The following LRRTM4 variants were observed in gnomAD, a reference collection of about 807,000 sequenced individuals.
The protein encoded by LRRTM4 is leucine-rich repeat transmembrane neuronal protein 4.
LRRTM4 carries 25 observed loss-of-function variants against 47.6 expected under a neutral mutation model. The observed-to-expected ratio is 0.53, with a 90% CI of 0.38 to 0.73. The LOEUF is 0.73. Ranked by LOEUF, LRRTM4 falls within the 30% of genes least tolerant of loss-of-function variation. The pLI is 0.00. For synonymous variants in LRRTM4, 311 were observed against 269.5 expected (o/e 1.15, Z -1.51); for missense variants, 638 against 713.4 (o/e 0.89, Z 1.20).
chr2:77,021,234 A>G (rs1678258732), intron 3 of LRRTM4, among the ~76,000 whole-genome samples: 1 of 152,146 alleles, frequency 6.6e-6, no homozygotes, highest in African/African-American at 2.4e-5. Context: ...AGAACTATAC[A>G]GATAACAAGA....
intron 3 of LRRTM4, among the ~76,000 whole-genome samples, chr2:77,490,119 A>AG (rs1363315259): frequency 6.6e-6 from 1 of 152,012 alleles, no homozygotes; most frequent in East Asian, 1.9e-4. Context: ...GCACGGTGGC[A>AG]GGTGCCTGTA....
intron 3 of LRRTM4, among the ~76,000 whole-genome samples, chr2:77,429,454 G>A (rs757813712): frequency 6.6e-6 from 1 of 152,010 alleles, no homozygotes; most frequent in Non-Finnish European, 1.5e-5. Context: ...CAACCTAAGT[G>A]TCCATCAAAA....
intron 3 of LRRTM4, among the ~76,000 whole-genome samples, chr2:77,460,143 G>T (rs12613403): frequency 0.04 from 6,132 of 152,174 alleles, 241 homozygotes; most frequent in East Asian, 0.18. Context: ...CTGGATAGTT[G>T]CTGATCAACA....
chr2:77,389,208 AT>A (rs757698752), intron 3 of LRRTM4, among the ~76,000 whole-genome samples: 1 of 152,134 alleles, frequency 6.6e-6, no homozygotes, highest in African/African-American at 2.4e-5. Flanking sequence ...AATTAACTAT[AT>A]TTTTATTATA....
intron 3 of LRRTM4, among the ~76,000 whole-genome samples, chr2:76,880,553 T>C (rs1255641244): frequency 6.6e-6 from 1 of 152,188 alleles, no homozygotes. Flanking sequence ...TGACTTGCTT[T>C]ATTATGTTAT....
intron 3 of LRRTM4, among the ~76,000 whole-genome samples, chr2:77,127,593 C>G (rs956441738): frequency 2.0e-5 from 3 of 151,972 alleles, no homozygotes; most frequent in Admixed American, 2.0e-4. Flanking sequence ...TTGGTAATCC[C>G]CTCTCTCTCT....
At chr2:76,964,289 T>G (rs1675953039) in intron 3 of LRRTM4, among the ~76,000 whole-genome samples, 1 of 151,084 alleles carries the variant, frequency 6.6e-6, no homozygotes. Flanking sequence ...AAGACTTTAT[T>G]AGTTGTCTAT....
In LRRTM4 at chr2:77,199,916, A is replaced by G. The variant is rs1473669338; in HGVS notation, c.1551+318402T>C. Among the ~76,000 whole-genome samples the G allele has an allele frequency of 2.6e-5, 4 of 152,100 alleles. No homozygotes were observed. The East Asian group carries it at 7.7e-4, about 29-fold the overall frequency. On this transcript the variant is annotated intron_variant, in intron 3 of 3. Transcript: ENST00000409884. ...AAGCAACCACATATAGATACATAAT[A>G]CATTTCCATAAAAAGCTCAAAACTT...
chr2:76,802,054 C>G (rs1675721793), intron 3 of LRRTM4, among the ~76,000 whole-genome samples: 1 of 151,984 alleles, frequency 6.6e-6, no homozygotes, highest in Non-Finnish European at 1.5e-5. Context: ...TCCTCTAAAA[C>G]CAGGAACAAG....
At chr2:77,321,222 T>A (rs549723440) in intron 3 of LRRTM4, among the ~76,000 whole-genome samples, 2 of 152,282 alleles carry the variant, frequency 1.3e-5, no homozygotes, top group South Asian at 2.1e-4. Context: ...TCTTGCATGC[T>A]GACAGAGATT....
intron 3 of LRRTM4, among the ~76,000 whole-genome samples, chr2:76,842,021 T>G (rs1031107483): frequency 1.3e-5 from 2 of 152,172 alleles, no homozygotes; most frequent in African/African-American, 2.4e-5. Flanking sequence ...GAGAGCTGGT[T>G]AAACATTATT....
At position 76,747,870 on chromosome 2, in the gene LRRTM4, T is replaced by C. The variant is rs2104040943; in HGVS notation, c.*825A>G. 1 of 152,346 alleles carries C rather than the reference T, an allele frequency of 6.6e-6. No homozygotes were observed. Among genetic ancestry groups the C allele is most frequent in the East Asian group, 1.9e-4 (1 of 5,176 alleles). The allele number at this position is 152,346 out of a possible 1,614,324, so 9.4% of individuals were successfully genotyped here. A position where few individuals can be genotyped will look rare whatever the true frequency, so the allele number is the denominator to read the frequency against. ...TTCATTGAGCCCATGGTCATATCTC[T>C]CTTATAGCCTTAGTCCACATGAGAA... On this transcript the variant is annotated 3_prime_UTR_variant, in exon 4 of 4. Coordinates refer to ENST00000409884, the MANE Select transcript of LRRTM4 (RefSeq NM_001134745.3).
intron 3 of LRRTM4, among the ~76,000 whole-genome samples, chr2:76,826,287 A>G (rs1310409705): frequency 6.6e-6 from 1 of 151,686 alleles, no homozygotes; most frequent in Non-Finnish European, 1.5e-5. Context: ...AAGTAGCTTA[A>G]TAGAGTAGGA....
intron 3 of LRRTM4, among the ~76,000 whole-genome samples, chr2:77,101,148 T>G (rs887151267): frequency 6.6e-6 from 1 of 152,112 alleles, no homozygotes; most frequent in African/African-American, 2.4e-5. Context: ...ATCTATAGAC[T>G]ATATACAAAA....
At chr2:77,005,893 C>T (rs1418026588) in intron 3 of LRRTM4, among the ~76,000 whole-genome samples, 1 of 152,154 alleles carries the variant, frequency 6.6e-6, no homozygotes, top group Non-Finnish European at 1.5e-5. Context: ...TATTTATTAA[C>T]ATCCTCTTGT....
intron 3 of LRRTM4, among the ~76,000 whole-genome samples, chr2:76,764,332 A>T (rs773094408): frequency 2.6e-5 from 4 of 152,216 alleles, no homozygotes; most frequent in Non-Finnish European, 4.4e-5. Context: ...TAAAGTGATT[A>T]AGAATTATAT....
intron 3 of LRRTM4, among the ~76,000 whole-genome samples, chr2:77,130,041 A>G (rs1288834819): frequency 6.6e-6 from 1 of 152,180 alleles, no homozygotes; most frequent in Non-Finnish European, 1.5e-5. Flanking sequence ...GTGACATACT[A>G]GGCTTAATCT....
chr2:77,457,970 T>A (rs112429215), intron 3 of LRRTM4, among the ~76,000 whole-genome samples: 7,206 of 152,218 alleles, frequency 0.047, 243 homozygotes, highest in South Asian at 0.15. Flanking sequence ...AGAAAGGAAG[T>A]CAGGATAGAA....
intron 3 of LRRTM4, among the ~76,000 whole-genome samples, chr2:77,112,881 A>T (rs370912632): frequency 1.2e-4 from 19 of 152,266 alleles, no homozygotes; most frequent in African/African-American, 3.8e-4. Context: ...GACGGAACGC[A>T]TGGCCATTTT....
Sources: allele counts gnomAD v4.1 joint callset (sites outside exome capture counted in the v4.1 genomes callset), GRCh38; gene constraint gnomAD v4.1.1; transcripts MANE v1.5; gene names NCBI Gene and HGNC (gene_info 2026-07-23, HGNC 2026-07-21).